Variants in TAFA5 observed in about 807,000 individuals in gnomAD.
TAFA5 encodes the protein TAFA chemokine like family member 5, also known as chemokine-like protein TAFA-5.
A neutral mutation model predicts 15.3 loss-of-function variants in TAFA5; 6 were observed. The observed-to-expected ratio is 0.39, with a 90% CI of 0.21 to 0.77. The LOEUF (loss-of-function observed/expected upper bound fraction) is 0.77, where lower values mean the gene tolerates loss of function less well. Among genes scored for constraint, TAFA5 ranks in the 30% least tolerant of loss-of-function variants. The pLI, the probability that TAFA5 is intolerant of heterozygous loss-of-function variation, is 0.41. For missense variants in TAFA5, 161 were observed against 193.1 expected, an observed-to-expected ratio of 0.83 and a Z score of 0.98; for synonymous variants, 103 against 80.7, an observed-to-expected ratio of 1.28 and a Z score of -1.48.
At chr22:48,744,255 G>T (rs130226) in intron 3 of TAFA5, among the ~76,000 whole-genome samples, 49,836 of 152,080 alleles carry the variant, frequency 0.33, 9,273 homozygotes, top group Non-Finnish European at 0.43. Flanking sequence ...TCTGGGCCCT[G>T]TGCGTTGAGC....
At chr22:48,648,220 G>A (rs1434923166) in intron 2 of TAFA5, among the ~76,000 whole-genome samples, 1 of 150,858 alleles carries the variant, frequency 6.6e-6, no homozygotes, top group Non-Finnish European at 1.5e-5. Flanking sequence ...TGCTCAGCTG[G>A]CCCACCCCAT....
chr22:48,730,362 G>T (rs1950129802), intron 3 of TAFA5, among the ~76,000 whole-genome samples: 1 of 151,610 alleles, frequency 6.6e-6, no homozygotes, highest in Non-Finnish European at 1.5e-5. Context: ...CTCCAGCCTG[G>T]GCGACAGAGC....
chr22:48,532,649 C>T (rs371177550), intron 1 of TAFA5, among the ~76,000 whole-genome samples: 16 of 152,314 alleles, frequency 1.1e-4, no homozygotes, highest in Middle Eastern at 3.4e-3. Flanking sequence ...CCCACCCAGT[C>T]GCTGGGGGCC....
chr22:48,508,407 G>A (rs1921087408), intron 1 of TAFA5, among the ~76,000 whole-genome samples: 1 of 152,174 alleles, frequency 6.6e-6, no homozygotes, highest in Non-Finnish European at 1.5e-5. Flanking sequence ...TTGGGAGTTT[G>A]GAAGTAAGAA....
chr22:48,534,513 G>T (rs1922083848), intron 1 of TAFA5, among the ~76,000 whole-genome samples: 1 of 152,188 alleles, frequency 6.6e-6, no homozygotes, highest in Non-Finnish European at 1.5e-5. Flanking sequence ...AGCCTGGGTG[G>T]GTGGACAGGG....
intron 1 of TAFA5, among the ~76,000 whole-genome samples, chr22:48,509,439 G>A (rs1483149071): frequency 3.9e-5 from 6 of 152,024 alleles, no homozygotes; most frequent in Admixed American, 6.6e-5. Context: ...TAGTGTATAC[G>A]GCTTCCCTTT....
At chr22:48,674,262 A>G (rs1244234184) in intron 2 of TAFA5, among the ~76,000 whole-genome samples, 1 of 152,024 alleles carries the variant, frequency 6.6e-6, no homozygotes, top group Non-Finnish European at 1.5e-5. Context: ...GGTATGTCAC[A>G]TTTGGGCCTC....
intron 2 of TAFA5, among the ~76,000 whole-genome samples, chr22:48,695,226 C>A (rs1370219935): frequency 6.6e-6 from 1 of 151,966 alleles, no homozygotes; most frequent in Admixed American, 6.6e-5. Context: ...ACTCCTTTTC[C>A]CATGCTGTTG....
chr22:48,582,321 C>T (rs1316632947), intron 1 of TAFA5, among the ~76,000 whole-genome samples: 3 of 150,474 alleles, frequency 2.0e-5, no homozygotes, highest in Non-Finnish European at 3.0e-5. Context: ...GCAAAATACA[C>T]CACATACCAC....
intron 1 of TAFA5, among the ~76,000 whole-genome samples, chr22:48,604,255 C>T (rs1420300077): frequency 6.6e-6 from 1 of 152,202 alleles, no homozygotes; most frequent in Admixed American, 6.5e-5. Context: ...TGCGTTCCTT[C>T]GTTTTAGGAT....
rs1043616368 is a variant in TAFA5, at chr22:48,716,008, C to T, written c.390+8164C>T. Among the ~76,000 whole-genome samples, 11 of 152,188 alleles carry T rather than the reference C, an allele frequency of 7.2e-5. 1 individual carries two copies. The highest frequency in any genetic ancestry group is 5.9e-4 in the Admixed American group (9 of 15,280). ...AGCACCATTTATAAAACAGGGAATC[C>T]TTTCCCATTGCTTGTTTTGTCAGGC... On this transcript the variant is annotated intron_variant, in intron 3 of 3. Transcript: ENST00000402357.
intron 1 of TAFA5, among the ~76,000 whole-genome samples, chr22:48,555,105 C>T (rs540883531): frequency 6.6e-6 from 1 of 152,362 alleles, no homozygotes; most frequent in Admixed American, 6.5e-5. Context: ...TCCTGGACAC[C>T]TGTCCCTGCC....
chr22:48,716,514 G>A (rs1929405765), intron 3 of TAFA5, among the ~76,000 whole-genome samples: 1 of 152,168 alleles, frequency 6.6e-6, no homozygotes, highest in Non-Finnish European at 1.5e-5. Flanking sequence ...ACCAGGGCCT[G>A]TTGGGAGGTG....
At chr22:48,668,165 A>G (rs1304377432) in intron 2 of TAFA5, among the ~76,000 whole-genome samples, 1 of 250 alleles carries the variant, frequency 4.0e-3, no homozygotes. Flanking sequence ...AGCACTCAGG[A>G]CCGCGTCTTC....
Position 48,749,897 on chromosome 22 carries a change from G to A in TAFA5, c.*50G>A. 2 of 1,528,050 alleles carry A rather than the reference G, an allele frequency of 1.3e-6. No individual in the cohort carries two copies. Among genetic ancestry groups the A allele is most frequent in the Non-Finnish European group, 1.8e-6 (2 of 1,126,626 alleles). The allele number at this position is 1,528,050 out of a possible 1,614,324, so 94.7% of individuals were successfully genotyped here. On this transcript the variant is annotated 3_prime_UTR_variant, in exon 4 of 4. Coordinates refer to ENST00000402357, the MANE Select transcript of TAFA5 (RefSeq NM_001082967.3). ...GGGAGTGGCCTTGGCTCCCTGGAGA[G>A]CCCACGTCTCAGCCACAGTTCTCCA...
intron 2 of TAFA5, among the ~76,000 whole-genome samples, chr22:48,650,356 C>T (rs1927009543): frequency 6.6e-6 from 1 of 152,152 alleles, no homozygotes; most frequent in Non-Finnish European, 1.5e-5. Context: ...AAGATGGATA[C>T]CCATGGCAGC....
chr22:48,693,369 C>T (rs370412023), intron 2 of TAFA5: 30 of 1,612,586 alleles, frequency 1.9e-5, no homozygotes, highest in South Asian at 7.7e-5. Flanking sequence ...GTACCACCAC[C>T]GGGAATGGCC....
intron 1 of TAFA5, among the ~76,000 whole-genome samples, chr22:48,576,039 A>ACACC (rs1569031167): frequency 3.2e-5 from 1 of 31,436 alleles, no homozygotes; most frequent in Non-Finnish European, 5.1e-5. Flanking sequence ...GCCGCGCCGG[A>ACACC]CCCCCCCCCC....
chr22:48,590,433 A>G (rs1462497909), intron 1 of TAFA5, among the ~76,000 whole-genome samples: 1 of 152,190 alleles, frequency 6.6e-6, no homozygotes, highest in South Asian at 2.1e-4. Context: ...CTGGCTTTCC[A>G]TTCACGGGCT....
Sources: gnomAD v4.1 joint callset for allele counts (sites outside exome capture counted in the v4.1 genomes callset) on GRCh38, gnomAD v4.1.1 for gene constraint, MANE v1.5 for transcripts, NCBI Gene and HGNC (gene_info 2026-07-23, HGNC 2026-07-21) for gene names.